Variants in CELF2 observed in about 807,000 individuals in gnomAD.
CELF2 encodes the protein CUG triplet repeat RNA-binding protein 2.
Under a neutral mutation model 62.6 loss-of-function variants are expected in CELF2, and 8 were observed. The ratio of observed to expected loss-of-function variants is 0.13; its 90% CI spans 0.07 to 0.23. The LOEUF (loss-of-function observed/expected upper bound fraction) is 0.23, where lower values mean the gene tolerates loss of function less well. Among genes scored for constraint, CELF2 ranks in the 10% least tolerant of loss-of-function variants. The pLI, the probability that CELF2 is intolerant of heterozygous loss-of-function variation, is 1.00. For missense variants in CELF2, 333 were observed against 671.0 expected, an observed-to-expected ratio of 0.50 and a Z score of 5.56; for synonymous variants, 258 against 250.0, an observed-to-expected ratio of 1.03 and a Z score of -0.30.
At chr10:10,567,035 A>G in the CELF2 span, among the ~76,000 whole-genome samples, 1 of 152,226 alleles carries the variant, frequency 6.6e-6, no homozygotes, top group Admixed American at 6.5e-5. Flanking sequence ...CGCGAAGATA[A>G]AAGTGAACTG....
the CELF2 span, among the ~76,000 whole-genome samples, chr10:10,531,446 A>G: frequency 6.6e-6 from 1 of 152,206 alleles, no homozygotes; most frequent in Non-Finnish European, 1.5e-5. Flanking sequence ...TAAATCGTTC[A>G]TAGGACAAAC....
At chr10:10,576,272 C>T in the CELF2 span, among the ~76,000 whole-genome samples, 10 of 152,286 alleles carry the variant, frequency 6.6e-5, no homozygotes, top group East Asian at 1.9e-3. Flanking sequence ...CCCATCACCC[C>T]TGTCTAAAGT....
At chr10:11,030,801 C>G (rs2059987663) in intron 1 of CELF2, 1 of 152,164 alleles carries the variant, frequency 6.6e-6, no homozygotes, top group Admixed American at 6.5e-5. Context: ...ACATAAATTG[C>G]TTTTTCTTGA....
intron 2 of CELF2, among the ~76,000 whole-genome samples, chr10:10,984,496 G>T (rs2136473586): frequency 6.6e-6 from 1 of 152,310 alleles, no homozygotes; most frequent in South Asian, 2.1e-4. Context: ...TGACTCTAAT[G>T]ATATTTAATT....
At chr10:10,519,118 G>C in the CELF2 span, among the ~76,000 whole-genome samples, 1 of 152,186 alleles carries the variant, frequency 6.6e-6, no homozygotes, top group African/African-American at 2.4e-5. Flanking sequence ...CCATAAGCTA[G>C]GAACAGAATT....
At chr10:11,088,058 G>A (rs112913950) in intron 1 of CELF2, among the ~76,000 whole-genome samples, 7 of 152,310 alleles carry the variant, frequency 4.6e-5, no homozygotes, top group African/African-American at 1.7e-4. Context: ...AGGTGTTAAG[G>A]TGTGATTTGA....
the CELF2 span, among the ~76,000 whole-genome samples, chr10:10,577,761 C>G: frequency 0.071 from 10,723 of 151,944 alleles, 559 homozygotes; most frequent in South Asian, 0.16. Flanking sequence ...GTCTATCATT[C>G]TTGGACATTT....
the CELF2 span, among the ~76,000 whole-genome samples, chr10:10,603,903 G>A: frequency 6.6e-6 from 1 of 152,090 alleles, no homozygotes; most frequent in Non-Finnish European, 1.5e-5. Flanking sequence ...TAACTAAAAT[G>A]TTGGTTAGAG....
At chr10:11,078,507 C>G (rs2072878915) in intron 1 of CELF2, among the ~76,000 whole-genome samples, 1 of 152,184 alleles carries the variant, frequency 6.6e-6, no homozygotes, top group African/African-American at 2.4e-5. Flanking sequence ...TGACCCATTT[C>G]TAGAGTCACT....
chr10:10,814,822 C>G (rs2056295213), intron 1 of CELF2, among the ~76,000 whole-genome samples: 1 of 152,152 alleles, frequency 6.6e-6, no homozygotes, highest in Non-Finnish European at 1.5e-5. Flanking sequence ...GAGGTGGGAA[C>G]AGAAGAACTC....
Position 11,324,560 on chromosome 10 carries a change from T to A in CELF2, c.1295-1276T>A, listed in dbSNP as rs929448027. On this transcript the variant is annotated intron_variant, in intron 11 of 12. Coordinates refer to ENST00000633077, the MANE Select transcript of CELF2 (RefSeq NM_001326342.2). The surrounding 1 kb of genome is among the most constrained non-coding windows in gnomAD (Gnocchi z 4.7). ...GCAGCAATATGGAAAGTTACAGTAG[T>A]CATTAAGACACACTTTTAAATGAGA... Among the ~76,000 whole-genome samples the A allele has an allele frequency of 4.6e-5, 7 of 152,204 alleles. No homozygotes were observed. Among genetic ancestry groups the A allele is most frequent in the Non-Finnish European group, 1.0e-4 (7 of 68,028 alleles).
upstream of CELF2, among the ~76,000 whole-genome samples, chr10:10,793,768 G>T (rs532375174): frequency 1.3e-5 from 2 of 152,196 alleles, no homozygotes; most frequent in African/African-American, 4.8e-5. Context: ...ACAATATAAA[G>T]CTTGAAGAAC....
At chr10:10,694,251 G>C in the CELF2 span, among the ~76,000 whole-genome samples, 1 of 152,052 alleles carries the variant, frequency 6.6e-6, no homozygotes, top group African/African-American at 2.4e-5. Context: ...TTTTATTTCT[G>C]CCTTCATTTC....
At chr10:10,504,539 A>G in the CELF2 span, among the ~76,000 whole-genome samples, 1 of 152,066 alleles carries the variant, frequency 6.6e-6, no homozygotes, top group Non-Finnish European at 1.5e-5. Context: ...GCAGAAATTT[A>G]TTTGGATATA....
intron 2 of CELF2, among the ~76,000 whole-genome samples, chr10:10,922,417 A>G (rs2065005987): frequency 6.6e-6 from 1 of 152,196 alleles, no homozygotes; most frequent in Non-Finnish European, 1.5e-5. Context: ...TGACTTCCAA[A>G]CTTTTGTAGA....
intron 2 of CELF2, among the ~76,000 whole-genome samples, chr10:10,956,923 G>A (rs2048967626): frequency 6.6e-6 from 1 of 150,792 alleles, no homozygotes; most frequent in Non-Finnish European, 1.5e-5. Context: ...GGTAGACCAA[G>A]ACACCGTCTC....
intron 1 of CELF2, among the ~76,000 whole-genome samples, chr10:10,898,668 C>CA (rs1258564835): frequency 6.6e-6 from 1 of 152,156 alleles, no homozygotes; most frequent in Non-Finnish European, 1.5e-5. Flanking sequence ...CCACAATAGT[C>CA]AGAGTTTTCA....
the CELF2 span, among the ~76,000 whole-genome samples, chr10:10,565,026 T>C: frequency 1.4e-3 from 207 of 152,342 alleles, no homozygotes; most frequent in South Asian, 7.9e-3. Context: ...GTTTCCAGGA[T>C]TGTACAGCCG....
At chr10:11,113,397 A>T (rs2055728949) in intron 1 of CELF2, among the ~76,000 whole-genome samples, 2 of 152,198 alleles carry the variant, frequency 1.3e-5, no homozygotes, top group Admixed American at 1.3e-4. Flanking sequence ...CGAATGTTAT[A>T]GGAGGCGTTC....
Sources: allele counts gnomAD v4.1 joint callset (sites outside exome capture counted in the v4.1 genomes callset), GRCh38; gene constraint gnomAD v4.1.1; non-coding constraint Gnocchi (gnomAD v3.1); transcripts MANE v1.5; gene names NCBI Gene and HGNC (gene_info 2026-07-23, HGNC 2026-07-21).